Variants in CCR3 observed in about 807,000 individuals in gnomAD.
CCR3 encodes the protein C-C motif chemokine receptor 3, also known as C-C chemokine receptor type 3.
For synonymous variants in CCR3, 203 were observed against 179.2 expected (o/e 1.13, Z -1.06); for missense variants, 419 against 437.5 (o/e 0.96, Z 0.38).
At chr3:46,224,935 CT>C (rs1250559907) in intron 2 of CCR3, among the ~76,000 whole-genome samples, 1 of 152,146 alleles carries the variant, frequency 6.6e-6, no homozygotes, top group African/African-American at 2.4e-5. Flanking sequence ...AGCAATTCTA[CT>C]TCCAGGTAAA....
At chr3:46,235,700 C>T (rs1226659236) in intron 2 of CCR3, among the ~76,000 whole-genome samples, 1 of 152,196 alleles carries the variant, frequency 6.6e-6, no homozygotes, top group East Asian at 1.9e-4. Context: ...CAAAACACTG[C>T]ATTCAAGCAA....
At chr3:46,250,875 C>G (rs1265615181) in intron 1 of CCR3, among the ~76,000 whole-genome samples, 1 of 150,968 alleles carries the variant, frequency 6.6e-6, no homozygotes, top group African/African-American at 2.4e-5. Flanking sequence ...GATTGGGGCA[C>G]AGAGATAAGA....
At chr3:46,248,861 C>T (rs904389139) in intron 1 of CCR3, among the ~76,000 whole-genome samples, 5 of 152,088 alleles carry the variant, frequency 3.3e-5, no homozygotes, top group African/African-American at 1.2e-4. Context: ...GGTTTGGCCC[C>T]ACGGGGTGGA....
At chr3:46,241,202 CTCTT>C (rs1472056421), upstream of CCR3, among the ~76,000 whole-genome samples, 2 of 137,644 alleles carry the variant, frequency 1.5e-5, no homozygotes, top group African/African-American at 2.8e-5. Flanking sequence ...ATCCTCCTTC[CTCTT>C]TCTTTGTCTT....
At chr3:46,255,117 G>A (rs1700394837) in intron 1 of CCR3, among the ~76,000 whole-genome samples, 1 of 151,912 alleles carries the variant, frequency 6.6e-6, no homozygotes, top group African/African-American at 2.4e-5. Context: ...TCACATTGTG[G>A]TTTTGATTTG....
In CCR3 at chr3:46,265,433, A is replaced by G. The variant is rs201293544; in HGVS notation, c.275A>G (p.His92Arg). The change falls in exon 2 of 2, where the codon CAC becomes CGC. Residue 92 changes from histidine (H) to arginine (R), a missense_variant. By Grantham distance (29) the His-to-Arg change is conservative. Transcript: ENST00000395940. ...CTCGTCACCCTTCCATTCTGGATCC[A>G]CTATGTCAGGGGGCATAACTGGGTT... ...LFLVTLPFWI[H>R]YVRGHNWVFG... The G allele has an allele frequency of 9.3e-6, 15 of 1,614,004 alleles. No individual in the cohort carries two copies. The highest frequency in any genetic ancestry group is 1.3e-5 in the Non-Finnish European group (15 of 1,180,004).
intron 1 of CCR3, among the ~76,000 whole-genome samples, chr3:46,248,450 G>C (rs1361455174): frequency 6.6e-6 from 1 of 152,168 alleles, no homozygotes; most frequent in East Asian, 1.9e-4. Flanking sequence ...TGGACAGAAA[G>C]GCTACAGGGT....
At chr3:46,239,411 A>T (rs141351164), upstream of CCR3, among the ~76,000 whole-genome samples, 4 of 152,312 alleles carry the variant, frequency 2.6e-5, no homozygotes, top group East Asian at 5.8e-4. Context: ...GGTAATTGTG[A>T]TTATTTATCA....
At chr3:46,234,425 A>G (rs1300297964) in intron 2 of CCR3, among the ~76,000 whole-genome samples, 1 of 152,178 alleles carries the variant, frequency 6.6e-6, no homozygotes, top group Non-Finnish European at 1.5e-5. Flanking sequence ...TCTGTGAAAC[A>G]TCAGATCCAA....
intron 2 of CCR3, among the ~76,000 whole-genome samples, chr3:46,218,962 TGGAA>T (rs1488256657): frequency 1.3e-5 from 2 of 152,134 alleles, no homozygotes; most frequent in Admixed American, 6.5e-5. Context: ...AGCATATTAC[TGGAA>T]GTTCTAGCCA....
intron 1 of CCR3, among the ~76,000 whole-genome samples, chr3:46,254,546 C>A (rs1700379351): frequency 1.3e-5 from 2 of 151,996 alleles, no homozygotes; most frequent in African/African-American, 4.8e-5. Context: ...TGAATAATTT[C>A]TTTAGTGGTG....
intron 2 of CCR3, among the ~76,000 whole-genome samples, chr3:46,225,401 C>T (rs557542887): frequency 2.6e-5 from 4 of 152,286 alleles, no homozygotes; most frequent in African/African-American, 7.2e-5. Flanking sequence ...CATGGTGGCA[C>T]CTGCCTGTAA....
intron 1 of CCR3, among the ~76,000 whole-genome samples, chr3:46,261,502 G>T (rs538983235): frequency 6.6e-6 from 1 of 152,288 alleles, no homozygotes; most frequent in Admixed American, 6.5e-5. Context: ...ATGGAGAGGA[G>T]GAGGCTCCTC....
chr3:46,238,081 TGACA>T (rs1700041253), upstream of CCR3, among the ~76,000 whole-genome samples: 1 of 152,232 alleles, frequency 6.6e-6, no homozygotes, highest in Admixed American at 6.5e-5. Flanking sequence ...TCCAATGTTC[TGACA>T]GATTGATACT....
At chr3:46,248,949 A>T (rs1029779898) in intron 1 of CCR3, among the ~76,000 whole-genome samples, 1 of 152,172 alleles carries the variant, frequency 6.6e-6, no homozygotes, top group Non-Finnish European at 1.5e-5. Context: ...GACAGGTAAA[A>T]TGGGGGAATG....
intron 1 of CCR3, among the ~76,000 whole-genome samples, chr3:46,256,575 A>T (rs1202286613): frequency 6.6e-6 from 1 of 152,200 alleles, no homozygotes; most frequent in African/African-American, 2.4e-5. Flanking sequence ...TAATATATAT[A>T]TTTTTGCAAG....
intron 2 of CCR3, among the ~76,000 whole-genome samples, chr3:46,229,177 T>C (rs1455629488): frequency 6.6e-6 from 1 of 152,210 alleles, no homozygotes; most frequent in Non-Finnish European, 1.5e-5. Flanking sequence ...CATAAAGCCC[T>C]TTCATGAACA....
intron 2 of CCR3, among the ~76,000 whole-genome samples, chr3:46,231,207 G>A (rs1394853870): frequency 6.6e-6 from 1 of 152,166 alleles, no homozygotes; most frequent in Admixed American, 6.5e-5. Flanking sequence ...ACAGGCATAA[G>A]CCACTGTGCC....
Position 46,266,137 on chromosome 3 carries a change from T to A in CCR3, c.979T>A (p.Tyr327Asn). ...HRHLLMHLGR[Y>N]IPFLPSEKLE... is the part of the protein sequence containing the mutation. The stretch of plus-strand genomic sequence containing the variant: ...GCACTTGCTCATGCACCTGGGCAGA[T>A]ACATCCCATTCCTTCCTAGTGAGAA... Residue 327 changes from tyrosine (Y) to asparagine (N), a missense_variant, in exon 2 of 2, where the codon TAC (tyrosine) becomes AAC (asparagine). By Grantham distance (143) the Tyr-to-Asn change is moderately radical. Transcript: ENST00000395940. 1 of 1,614,118 alleles carries A rather than the reference T, an allele frequency of 6.2e-7. No homozygotes were observed. Among genetic ancestry groups the A allele is most frequent in the Non-Finnish European group, 8.5e-7 (1 of 1,179,994 alleles).
Sources: gnomAD v4.1 joint callset for allele counts (sites outside exome capture counted in the v4.1 genomes callset) on GRCh38, gnomAD v4.1.1 for gene constraint, MANE v1.5 for transcripts, NCBI Gene and HGNC (gene_info 2026-07-23, HGNC 2026-07-21) for gene names.